EPHX2: variants seen among roughly 807,000 people sequenced by gnomAD.
EPHX2 encodes bifunctional epoxide hydrolase 2.
In EPHX2, 74 loss-of-function variants were observed where a neutral mutation model predicts 78.7. That is an observed-to-expected ratio of 0.94 (90% CI 0.78 to 1.14). The LOEUF (loss-of-function observed/expected upper bound fraction) is 1.14. EPHX2 is among the 50% of genes most tolerant of loss of function. EPHX2 has a pLI of 0.00. For missense variants in EPHX2, 715 were observed against 702.5 expected, an observed-to-expected ratio of 1.02 and a Z score of -0.20; for synonymous variants, 251 against 255.2, an observed-to-expected ratio of 0.98 and a Z score of 0.16.
chr8:27,501,706 C>A (rs1016469511), intron 2 of EPHX2, among the ~76,000 whole-genome samples: 4 of 152,036 alleles, frequency 2.6e-5, no homozygotes, highest in Admixed American at 6.6e-5. Context: ...AGCCACCATG[C>A]CCAGCCTATA....
At chr8:27,511,952 C>T (rs1450870853) in intron 6 of EPHX2, 42 bp downstream of exon 6, 1 of 1,594,080 alleles carries the variant, frequency 6.3e-7, no homozygotes, top group African/African-American at 1.3e-5. Flanking sequence ...TGCTCTCCCA[C>T]CAGGTCACCT....
intron 13 of EPHX2, among the ~76,000 whole-genome samples, chr8:27,538,236 A>T (rs1302925936): frequency 6.6e-6 from 1 of 152,014 alleles, no homozygotes; most frequent in Non-Finnish European, 1.5e-5. Context: ...TTTCTAATCA[A>T]TTTTTTCACT....
At chr8:27,533,404 G>C (rs1168026799) in intron 12 of EPHX2, among the ~76,000 whole-genome samples, 3 of 152,150 alleles carry the variant, frequency 2.0e-5, no homozygotes, top group Admixed American at 2.0e-4. Context: ...TTTGTCATTG[G>C]TCTGTAGGAT....
In EPHX2 at chr8:27,544,121, C is replaced by T; in HGVS notation, c.1531-65C>T. The T allele has an allele frequency of 3.2e-6, 5 of 1,581,436 alleles. No homozygotes were observed. In the South Asian group the frequency reaches 3.3e-5, roughly 11 times the overall value. ...GAGAGAAGGCGTCCATTGCCCATTG[C>T]ACTAGCTAGAGACACACCCATCTGC... On this transcript the variant is annotated intron_variant, in intron 17 of 18. Transcript: ENST00000521400.
chr8:27,535,545 C>T (rs1815185576), intron 12 of EPHX2, among the ~76,000 whole-genome samples: 1 of 152,154 alleles, frequency 6.6e-6, no homozygotes, highest in Admixed American at 6.5e-5. Flanking sequence ...TTCTCCTAAA[C>T]TACGTCTGGA....
chr8:27,530,937 A>G (rs1815019491), intron 12 of EPHX2, among the ~76,000 whole-genome samples: 1 of 151,740 alleles, frequency 6.6e-6, no homozygotes, highest in East Asian at 1.9e-4. Context: ...CTAATTTTGC[A>G]TTTTTAGTAG....
At chr8:27,528,552 A>G (rs927552628) in intron 12 of EPHX2, among the ~76,000 whole-genome samples, 7 of 152,190 alleles carry the variant, frequency 4.6e-5, no homozygotes, top group African/African-American at 1.7e-4. Context: ...AATAGCTTCA[A>G]ACTTAAGCTG....
intron 12 of EPHX2, among the ~76,000 whole-genome samples, chr8:27,533,259 G>C (rs1815104356): frequency 6.6e-6 from 1 of 152,188 alleles, no homozygotes; most frequent in Non-Finnish European, 1.5e-5. Context: ...CGAGGCTCTA[G>C]GGAAAGAAGT....
intron 12 of EPHX2, among the ~76,000 whole-genome samples, chr8:27,532,608 C>A (rs1485012454): frequency 6.6e-6 from 1 of 152,156 alleles, no homozygotes; most frequent in African/African-American, 2.4e-5. Context: ...TCTCCCAGCC[C>A]CTGGCCGTTG....
chr8:27,529,919 G>A (rs1400540671), intron 12 of EPHX2, among the ~76,000 whole-genome samples: 1 of 151,528 alleles, frequency 6.6e-6, no homozygotes, highest in East Asian at 1.9e-4. Flanking sequence ...AGAAAAAAGA[G>A]CCCTTTTATT....
In EPHX2 at chr8:27,514,840, C is replaced by T. The variant is rs1317558642; in HGVS notation, c.736-878C>T. Among the ~76,000 whole-genome samples the T allele has an allele frequency of 2.0e-5, 3 of 152,248 alleles. No homozygotes were observed. In the South Asian group the frequency reaches 6.2e-4, roughly 32 times the overall value. On this transcript the variant is annotated intron_variant, in intron 6 of 18. Coordinates refer to ENST00000521400, the MANE Select transcript of EPHX2 (RefSeq NM_001979.6). The stretch of plus-strand genomic sequence containing the variant: ...GGGGGAGGTGCTCTGCGAGATGCTA[C>T]CATGTGTCTGGAAGAAGATGGGAAC...
Position 27,544,596 on chromosome 8 carries a change from G to C in EPHX2, c.*74G>C. The stretch of plus-strand genomic sequence containing the variant: ...TGGGGCACCATTCTTAGTATACAGA[G>C]GTGGCCTTACACACATCTTGCATGG... On this transcript the variant is annotated 3_prime_UTR_variant, in exon 19 of 19. Coordinates refer to ENST00000521400, the MANE Select transcript of EPHX2 (RefSeq NM_001979.6). 3 of 1,517,174 alleles carry C rather than the reference G, an allele frequency of 2.0e-6. No individual in the cohort carries two copies. The highest frequency in any genetic ancestry group is 2.7e-6 in the Non-Finnish European group (3 of 1,093,796). 94.0% of individuals were successfully genotyped at this position (1,517,174 alleles called of 1,614,324 possible). A position where few individuals can be genotyped will look rare whatever the true frequency, so the allele number is the denominator to read the frequency against.
intron 12 of EPHX2, among the ~76,000 whole-genome samples, chr8:27,530,762 CTTTTTTT>C (rs11343503): frequency 3.1e-5 from 4 of 127,364 alleles, no homozygotes; most frequent in Non-Finnish European, 4.9e-5. Context: ...TAATTTTTTT[CTTTTTTT>C]TTTTTTTTTT....
Position 27,540,568 on chromosome 8 carries a change from A to T in EPHX2, c.1291A>T (p.Asn431Tyr), listed in dbSNP as rs775534758. The change falls in exon 15 of 19, where the codon AAT becomes TAT. Residue 431 changes from asparagine to tyrosine, a missense_variant. Physicochemically the swap from Asn to Tyr is moderately radical, Grantham distance 143. Transcript: ENST00000521400. Reference protein sequence around the residue: ...KVCEAGGLFVNSPEEPSLSRM... With the variant: ...KVCEAGGLFVYSPEEPSLSRM... ...TTTTTTTGCAGGAGGACTTTTTGTA[A>T]ATAGCCCAGAAGAGCCCAGCCTCAG... 6.2e-7 allele frequency: 1 copy of T among 1,614,168 alleles called. No individual in the cohort carries two copies. Among genetic ancestry groups the T allele is most frequent in the South Asian group, 1.1e-5 (1 of 91,084 alleles).
chr8:27,547,549 T>C (rs1815595905), downstream of EPHX2, among the ~76,000 whole-genome samples: 1 of 152,192 alleles, frequency 6.6e-6, no homozygotes, highest in Admixed American at 6.5e-5. Context: ...ACATTTATCG[T>C]TTTTGTATTG....
chr8:27,491,236 C>T lies in EPHX2; in HGVS notation c.28C>T (p.Leu10Phe), dbSNP rs1041477228. The T allele has an allele frequency of 5.0e-6, 8 of 1,585,534 alleles. No individual in the cohort carries two copies. The highest frequency in any genetic ancestry group is 1.7e-5 in the Admixed American group (1 of 58,928). MTLRAAVFDLDGVLALPAVF... is the reference protein window; with the variant it reads MTLRAAVFDFDGVLALPAVF... ...GACGCTGCGCGCGGCCGTCTTCGACCTTGACGGGGTGCTGGCGCTGCCAGC... is the reference window on the plus strand; with the variant it reads ...GACGCTGCGCGCGGCCGTCTTCGACTTTGACGGGGTGCTGGCGCTGCCAGC... The change falls in exon 1 of 19, where the codon CTT becomes TTT. Residue 10 changes from leucine to phenylalanine, a missense_variant. Leu to Phe is a conservative substitution (Grantham distance 22). Transcript: ENST00000521400.
intron 13 of EPHX2, 55 bp downstream of exon 13, chr8:27,536,910 A>G (rs1039073330): frequency 6.3e-6 from 10 of 1,590,340 alleles, no homozygotes; most frequent in Non-Finnish European, 8.6e-6. Flanking sequence ...TGAAGGAAGT[A>G]GGGTACCTAG....
chr8:27,504,077 A>G (rs1396754350), intron 3 of EPHX2, among the ~76,000 whole-genome samples: 2 of 152,238 alleles, frequency 1.3e-5, no homozygotes, highest in Non-Finnish European at 2.9e-5. Flanking sequence ...TGATTAAGAA[A>G]CAAGGCCTTT....
chr8:27,536,968 T>G lies in EPHX2; in HGVS notation c.1242+113T>G, dbSNP rs192070978. 186 of 1,132,790 alleles carry G rather than the reference T, an allele frequency of 1.6e-4. 1 individual carries two copies. The African/African-American group carries it at 2.8e-3, about 17-fold the overall frequency. 70.2% of individuals were successfully genotyped at this position (1,132,790 alleles called of 1,614,324 possible). ...GCAATCTGGCCTCCTTTTCTTTCAT[T>G]TCTATAGTCAGGGTAATTGAGGTCC... On this transcript the variant is annotated intron_variant, in intron 13 of 18. Coordinates refer to ENST00000521400, the MANE Select transcript of EPHX2 (RefSeq NM_001979.6).
Sources: allele counts gnomAD v4.1 joint callset (sites outside exome capture counted in the v4.1 genomes callset), GRCh38; gene constraint gnomAD v4.1.1; transcripts MANE v1.5; gene names NCBI Gene and HGNC (gene_info 2026-07-23, HGNC 2026-07-21).